Variants in AFAP1L2 observed in about 807,000 individuals in gnomAD.
The protein encoded by AFAP1L2 is actin filament associated protein 1 like 2.
AFAP1L2 carries 46 observed loss-of-function variants against 99.3 expected under a neutral mutation model. The observed-to-expected ratio is 0.46, with a 90% CI of 0.37 to 0.59. The LOEUF is 0.59. AFAP1L2 is among the 20% of genes least tolerant of loss of function. The probability of loss-of-function intolerance (pLI) is 0.00; values close to 1 mark genes in which losing one functional copy is unlikely to be tolerated. For missense variants in AFAP1L2, 959 were observed against 1,034.9 expected, an observed-to-expected ratio of 0.93 and a Z score of 1.01; for synonymous variants, 397 against 419.1, an observed-to-expected ratio of 0.95 and a Z score of 0.64.
intron 5 of AFAP1L2, among the ~76,000 whole-genome samples, chr10:114,320,226 C>T (rs2044951225): frequency 6.6e-6 from 1 of 152,208 alleles, no homozygotes; most frequent in Non-Finnish European, 1.5e-5. Context: ...ATCCCTAGCA[C>T]AGGCCAGCAG....
chr10:114,403,615 C>T (rs1255759283), intron 1 of AFAP1L2, among the ~76,000 whole-genome samples: 2 of 152,196 alleles, frequency 1.3e-5, no homozygotes, highest in African/African-American at 4.8e-5. Context: ...ACTCCCTGTA[C>T]TCCCTTTTCA....
At position 114,295,108 on chromosome 10, in the gene AFAP1L2, C is replaced by CA. The variant is rs980572853; in HGVS notation, c.*933dup. ...ATTTTAAGAGGGCGATCACCCTAAC[C>CA]AAAAATCACCACTTTGTTCTTGGAA... On this transcript the variant is annotated 3_prime_UTR_variant, in exon 19 of 19. Coordinates refer to ENST00000304129, the MANE Select transcript of AFAP1L2 (RefSeq NM_001001936.3). 1 of 984,334 alleles carries CA rather than the reference C, an allele frequency of 1.0e-6. No homozygotes were observed. 61.0% of individuals were successfully genotyped at this position (984,334 alleles called of 1,614,324 possible).
At chr10:114,305,442 T>G (rs2042069161) in intron 10 of AFAP1L2, among the ~76,000 whole-genome samples, 1 of 95,014 alleles carries the variant, frequency 1.1e-5, no homozygotes, top group Non-Finnish European at 2.1e-5. Flanking sequence ...GGGACGCAGA[T>G]GCAGGAGGGG....
At chr10:114,370,863 T>C (rs1366861396) in intron 1 of AFAP1L2, among the ~76,000 whole-genome samples, 1 of 152,188 alleles carries the variant, frequency 6.6e-6, no homozygotes, top group Non-Finnish European at 1.5e-5. Context: ...TTTCTCTCCA[T>C]CTGGAATTCC....
intron 15 of AFAP1L2, among the ~76,000 whole-genome samples, chr10:114,299,708 A>C (rs996813875): frequency 6.6e-6 from 1 of 152,190 alleles, no homozygotes; most frequent in African/African-American, 2.4e-5. Flanking sequence ...GAATCAGTGG[A>C]CTGGGAGAGG....
At chr10:114,348,482 G>T (rs977452687) in intron 1 of AFAP1L2, among the ~76,000 whole-genome samples, 1 of 152,150 alleles carries the variant, frequency 6.6e-6, no homozygotes, top group Non-Finnish European at 1.5e-5. Flanking sequence ...TGCATGAGAA[G>T]TTTGCTCCTT....
At chr10:114,290,205 G>C, downstream of AFAP1L2, 1 of 1,548,890 alleles carries the variant, frequency 6.5e-7, no homozygotes, top group Non-Finnish European at 8.7e-7. Flanking sequence ...ACCCATGCCT[G>C]GCCGGCCTGG....
intron 1 of AFAP1L2, chr10:114,399,040 A>G (rs1030218795): frequency 3.3e-6 from 2 of 600,506 alleles, no homozygotes; most frequent in Non-Finnish European, 5.4e-6. Flanking sequence ...CTCCAGAGCT[A>G]GAGCACGGGA....
chr10:114,290,015 G>T (rs2039406983), downstream of AFAP1L2: 2 of 390,806 alleles, frequency 5.1e-6, no homozygotes, highest in Non-Finnish European at 9.0e-6. Context: ...AAAAAAGTCT[G>T]CCATGTGTAT....
At position 114,296,050 on chromosome 10, in the gene AFAP1L2, C is replaced by G; in HGVS notation, c.2449G>C (p.Ala817Pro). The G allele has an allele frequency of 1.2e-5, 19 of 1,614,148 alleles. No individual in the cohort carries two copies. The highest frequency in any genetic ancestry group is 1.7e-5 in the Admixed American group (1 of 60,014). Residue 817 changes from alanine to proline, a missense_variant, in exon 19 of 19, where the codon GCA (alanine) becomes CCA (proline). Physicochemically the swap from Ala to Pro is conservative, Grantham distance 27. Coordinates refer to ENST00000304129, the MANE Select transcript of AFAP1L2 (RefSeq NM_001001936.3). ...QKAKEWEKKG[A>P]S The stretch of plus-strand genomic sequence containing the variant: ...TAGATGAAGCTTGTTTTCTAACTTG[C>G]TCCTTTCTTCTCCCATTCCTAGGGT...
At chr10:114,289,351 G>A in the AFAP1L2 span, 1 of 1,614,278 alleles carries the variant, frequency 6.2e-7, no homozygotes. Context: ...TGGCATCTCT[G>A]TCTTGGTCGT....
intron 1 of AFAP1L2, among the ~76,000 whole-genome samples, chr10:114,344,192 C>G (rs996052766): frequency 6.6e-6 from 1 of 152,188 alleles, no homozygotes; most frequent in African/African-American, 2.4e-5. Flanking sequence ...AACTAAAAGG[C>G]CTTAGCTTGT....
intron 7 of AFAP1L2, 55 bp from the exon 8 acceptor site, chr10:114,310,498 C>A: frequency 1.3e-6 from 2 of 1,529,012 alleles, no homozygotes; most frequent in South Asian, 2.4e-5. Context: ...CCAGCACTCA[C>A]AGCCAGGCTG....
At chr10:114,346,520 C>T (rs1042508329) in intron 1 of AFAP1L2, among the ~76,000 whole-genome samples, 1 of 152,168 alleles carries the variant, frequency 6.6e-6, no homozygotes, top group East Asian at 1.9e-4. Flanking sequence ...GAGTGCCAAC[C>T]TCAGTGACAT....
At chr10:114,288,592 TCAC>T in the AFAP1L2 span, among the ~76,000 whole-genome samples, 1 of 152,064 alleles carries the variant, frequency 6.6e-6, no homozygotes, top group Non-Finnish European at 1.5e-5. Context: ...AGGTCCAAGG[TCAC>T]CATTTCTCAG....
At chr10:114,289,127 C>T in the AFAP1L2 span, 1 of 1,614,064 alleles carries the variant, frequency 6.2e-7, no homozygotes, top group Non-Finnish European at 8.5e-7. Context: ...GGGCTGGACA[C>T]CAAACCCACC....
At chr10:114,302,533 G>C in intron 11 of AFAP1L2, 49 bp from the exon 12 acceptor site, 1 of 1,609,322 alleles carries the variant, frequency 6.2e-7, no homozygotes, top group Non-Finnish European at 8.5e-7. Flanking sequence ...AGTGCTGCCT[G>C]GTGCCAGCCC....
At position 114,340,588 on chromosome 10, in the gene AFAP1L2, A is replaced by T. The variant is rs201950570; in HGVS notation, c.145+15T>A. ...TGGCGTGGAGGCCTCTGCACCACCC[A>T]GGGCCCACACTCACTGCTGCTTTTG... On this transcript the variant is annotated intron_variant, in intron 2 of 18. Transcript: ENST00000304129. 6.2e-7 allele frequency: 1 copy of T among 1,612,614 alleles called. No homozygotes were observed. Among genetic ancestry groups the T allele is most frequent in the East Asian group, 2.2e-5 (1 of 44,872 alleles).
the AFAP1L2 span, chr10:114,286,485 G>A: frequency 1.3e-6 from 2 of 1,588,168 alleles, no homozygotes; most frequent in African/African-American, 1.3e-5. Flanking sequence ...GAGCTGCAGG[G>A]GAAGCTGTGC....
Sources: gnomAD v4.1 joint callset for allele counts (sites outside exome capture counted in the v4.1 genomes callset) on GRCh38, gnomAD v4.1.1 for gene constraint, MANE v1.5 for transcripts, NCBI Gene and HGNC (gene_info 2026-07-23, HGNC 2026-07-21) for gene names.